Variants in CACNA2D3 observed in about 807,000 individuals in gnomAD.
CACNA2D3 encodes the protein voltage-dependent calcium channel subunit alpha-2/delta-3.
A neutral mutation model predicts 160.6 loss-of-function variants in CACNA2D3; 60 were observed. The ratio of observed to expected loss-of-function variants is 0.37; its 90% CI spans 0.30 to 0.46. The LOEUF is 0.46. CACNA2D3 is among the 20% of genes least tolerant of loss of function. The pLI is 1.00. For missense variants in CACNA2D3, 1,205 were observed against 1,365.0 expected, an observed-to-expected ratio of 0.88 and a Z score of 1.85; for synonymous variants, 558 against 492.9, an observed-to-expected ratio of 1.13 and a Z score of -1.75.
chr3:54,972,794 G>A (rs925243066), intron 29 of CACNA2D3, among the ~76,000 whole-genome samples: 1 of 151,934 alleles, frequency 6.6e-6, no homozygotes, highest in Non-Finnish European at 1.5e-5. Context: ...GCCTGGCCAT[G>A]GGGCTGACTT....
intron 4 of CACNA2D3, among the ~76,000 whole-genome samples, chr3:54,399,915 A>C (rs1699417433): frequency 8.2e-6 from 1 of 121,250 alleles, no homozygotes; most frequent in South Asian, 2.7e-4. Context: ...GCCGCCTTGC[A>C]GTTTGATCTC....
intron 35 of CACNA2D3, among the ~76,000 whole-genome samples, chr3:55,026,475 C>A (rs1446753851): frequency 1.3e-5 from 2 of 152,142 alleles, no homozygotes; most frequent in Non-Finnish European, 2.9e-5. Context: ...TGCCAATACT[C>A]CATGGTTAGT....
At chr3:54,317,995 A>G (rs1480787688) in intron 2 of CACNA2D3, among the ~76,000 whole-genome samples, 6 of 152,202 alleles carry the variant, frequency 3.9e-5, no homozygotes, top group African/African-American at 1.4e-4. Flanking sequence ...TAAGTTTCCA[A>G]TACATGAACT....
At chr3:54,933,078 TTCCTTC>T (rs1701240026) in intron 27 of CACNA2D3, among the ~76,000 whole-genome samples, 2 of 138,508 alleles carry the variant, frequency 1.4e-5, no homozygotes, top group Non-Finnish European at 3.0e-5. Context: ...CCTTCCTTCC[TTCCTTC>T]CTTCCTTCCT....
chr3:54,905,144 AAT>A (rs1700425941), intron 27 of CACNA2D3, among the ~76,000 whole-genome samples: 1 of 152,218 alleles, frequency 6.6e-6, no homozygotes, highest in Non-Finnish European at 1.5e-5. Flanking sequence ...TATAAAATTC[AAT>A]GAATTTTAGT....
At chr3:54,871,244 C>T (rs1162741061) in intron 17 of CACNA2D3, among the ~76,000 whole-genome samples, 1 of 151,434 alleles carries the variant, frequency 6.6e-6, no homozygotes, top group Non-Finnish European at 1.5e-5. Context: ...AAGGAGGGGA[C>T]AGATTTTCCT....
intron 14 of CACNA2D3, among the ~76,000 whole-genome samples, chr3:54,822,832 T>TTTCTTTTCTTTCTTTCTTTCTTTCTTTC (rs1553874401): frequency 1.7e-5 from 1 of 58,030 alleles, no homozygotes; most frequent in African/African-American, 8.7e-5. Context: ...TCTTTCTTTC[T>TTTCTTTTCTTTCTTTCTTTCTTTCTTTC]TTTCTTTCTT....
At chr3:54,253,340 A>T (rs1223454924) in intron 2 of CACNA2D3, among the ~76,000 whole-genome samples, 2 of 152,094 alleles carry the variant, frequency 1.3e-5, no homozygotes, top group Non-Finnish European at 2.9e-5. Context: ...AGCACAGCGG[A>T]TTCTGCTTGG....
chr3:54,408,913 C>T (rs959050163), intron 4 of CACNA2D3, among the ~76,000 whole-genome samples: 19 of 152,046 alleles, frequency 1.2e-4, no homozygotes, highest in African/African-American at 4.1e-4. Flanking sequence ...CCCTAACTCT[C>T]CAGGAAATTA....
At chr3:54,731,889 G>A (rs1450502328) in intron 11 of CACNA2D3, among the ~76,000 whole-genome samples, 2 of 152,078 alleles carry the variant, frequency 1.3e-5, no homozygotes, top group Non-Finnish European at 2.9e-5. Context: ...TGGATCAAAA[G>A]CATCACCGTG....
chr3:54,234,792 A>T (rs1428145219), intron 2 of CACNA2D3, among the ~76,000 whole-genome samples: 1 of 152,154 alleles, frequency 6.6e-6, no homozygotes, highest in Non-Finnish European at 1.5e-5. Context: ...CTCACTTATA[A>T]GTGGGAGCTA....
intron 17 of CACNA2D3, among the ~76,000 whole-genome samples, chr3:54,855,997 C>G (rs1464231466): frequency 6.6e-6 from 1 of 152,212 alleles, no homozygotes; most frequent in African/African-American, 2.4e-5. Context: ...CTCAAGTCTT[C>G]TTGCATGGAC....
At position 54,515,162 on chromosome 3, in the gene CACNA2D3, G is replaced by A. The variant is rs574690111; in HGVS notation, c.544+11508G>A. Among the ~76,000 whole-genome samples, 19 of 133,374 alleles carry A rather than the reference G, an allele frequency of 1.4e-4. No individual in the cohort carries two copies. The South Asian group carries it at 2.7e-3, about 19-fold the overall frequency. 87.5% of individuals were successfully genotyped at this position (133,374 alleles called of 152,430 possible). ...CAGAAGAAAATGCATAGTAAAATCCGTGTGTGTGTGTCTGTGTGTGTGTGT... is the reference window on the plus strand; with the variant it reads ...CAGAAGAAAATGCATAGTAAAATCCATGTGTGTGTGTCTGTGTGTGTGTGT... On this transcript the variant is annotated intron_variant, in intron 5 of 37. Transcript: ENST00000474759.
At chr3:55,034,613 C>G (rs1575445282) in intron 35 of CACNA2D3, among the ~76,000 whole-genome samples, 2 of 151,986 alleles carry the variant, frequency 1.3e-5, no homozygotes, top group Middle Eastern at 6.8e-3. Flanking sequence ...TTTTGGTGTA[C>G]TTGCTTCCAT....
intron 5 of CACNA2D3, among the ~76,000 whole-genome samples, chr3:54,554,114 C>T (rs1040308960): frequency 1.3e-5 from 2 of 152,124 alleles, no homozygotes; most frequent in South Asian, 2.1e-4. Flanking sequence ...CTCTTGCTAG[C>T]GTAGGCATTT....
chr3:54,684,893 C>T (rs141450575), intron 11 of CACNA2D3, among the ~76,000 whole-genome samples: 2 of 152,160 alleles, frequency 1.3e-5, no homozygotes, highest in East Asian at 3.9e-4. Flanking sequence ...TACAAAGTCG[C>T]CTCCCTCTTC....
intron 11 of CACNA2D3, 137 bp downstream of exon 11, chr3:54,642,378 G>C: frequency 2.0e-6 from 1 of 508,388 alleles, no homozygotes; most frequent in Non-Finnish European, 3.4e-6. Context: ...TGTGTTTTTT[G>C]GTTGACCAAA....
chr3:54,464,646 G>T (rs1464450984), intron 4 of CACNA2D3, among the ~76,000 whole-genome samples: 1 of 152,192 alleles, frequency 6.6e-6, no homozygotes, highest in African/African-American at 2.4e-5. Flanking sequence ...TATTAGGGTG[G>T]GAGTGACCCA....
At chr3:54,310,815 C>A (rs1224127953) in intron 2 of CACNA2D3, among the ~76,000 whole-genome samples, 1 of 152,216 alleles carries the variant, frequency 6.6e-6, no homozygotes, top group African/African-American at 2.4e-5. Context: ...ACTTTACACA[C>A]TTCACATCAT....
Sources: gnomAD v4.1 joint callset for allele counts (sites outside exome capture counted in the v4.1 genomes callset) on GRCh38, gnomAD v4.1.1 for gene constraint, MANE v1.5 for transcripts, NCBI Gene and HGNC (gene_info 2026-07-23, HGNC 2026-07-21) for gene names.